The following LAMA2 variants were observed in gnomAD, a reference collection of about 807,000 sequenced individuals.
LAMA2 encodes laminin subunit alpha 2.
LAMA2 carries 269 observed loss-of-function variants against 364.8 expected under a neutral mutation model. That is an observed-to-expected ratio of 0.74 (90% CI 0.67 to 0.82). LAMA2 has a LOEUF of 0.82. Among genes scored for constraint, LAMA2 ranks in the 40% least tolerant of loss-of-function variants. The probability of loss-of-function intolerance (pLI) is 0.00; values close to 1 mark genes in which losing one functional copy is unlikely to be tolerated. For missense variants in LAMA2, 3,807 were observed against 3,873.2 expected, an observed-to-expected ratio of 0.98 and a Z score of 0.45; for synonymous variants, 1,379 against 1,370.6, an observed-to-expected ratio of 1.01 and a Z score of -0.14.
intron 56 of LAMA2, among the ~76,000 whole-genome samples, chr6:129,491,682 T>C (rs1355176505): frequency 6.6e-6 from 1 of 152,194 alleles, no homozygotes; most frequent in Non-Finnish European, 1.5e-5. Flanking sequence ...CAGTGCGCCA[T>C]GACCTGGTTT....
intron 3 of LAMA2, among the ~76,000 whole-genome samples, chr6:129,064,758 T>C (rs1789180135): frequency 6.6e-6 from 1 of 151,944 alleles, no homozygotes; most frequent in Non-Finnish European, 1.5e-5. Flanking sequence ...AGTAAGGAGA[T>C]TGAATCAGGA....
intron 1 of LAMA2, among the ~76,000 whole-genome samples, chr6:129,045,088 CT>C (rs776247550): frequency 2.0e-5 from 3 of 152,180 alleles, no homozygotes; most frequent in Non-Finnish European, 1.5e-5. Context: ...AATTGGAGAC[CT>C]TTGCTGACCA....
At chr6:129,099,313 C>T (rs1048499534) in intron 4 of LAMA2, among the ~76,000 whole-genome samples, 2 of 151,708 alleles carry the variant, frequency 1.3e-5, no homozygotes, top group Non-Finnish European at 2.9e-5. Flanking sequence ...ACACTAAGTA[C>T]TCTGTGCTAT....
intron 1 of LAMA2, among the ~76,000 whole-genome samples, chr6:128,924,762 C>T (rs1179293441): frequency 2.0e-5 from 3 of 152,146 alleles, no homozygotes; most frequent in African/African-American, 7.2e-5. Context: ...CACTGTAGGC[C>T]AACCACCCCT....
chr6:129,103,135 G>A (rs1009870410), intron 4 of LAMA2, among the ~76,000 whole-genome samples: 2 of 152,208 alleles, frequency 1.3e-5, no homozygotes, highest in Non-Finnish European at 2.9e-5. Flanking sequence ...TGTCCTTGAT[G>A]TTGAGAAGGT....
chr6:128,991,105 AG>A (rs777651806), intron 1 of LAMA2, among the ~76,000 whole-genome samples: 1 of 152,156 alleles, frequency 6.6e-6, no homozygotes, highest in East Asian at 1.9e-4. Context: ...CTTGGAATTT[AG>A]GGTATTGCAC....
chr6:129,446,203 A>T (rs545783414), intron 45 of LAMA2, among the ~76,000 whole-genome samples: 2 of 152,112 alleles, frequency 1.3e-5, no homozygotes, highest in South Asian at 4.2e-4. Flanking sequence ...TAATGGGGTT[A>T]TGGCAGGAAT....
At chr6:129,161,966 A>C (rs1363045286) in intron 8 of LAMA2, among the ~76,000 whole-genome samples, 1 of 152,172 alleles carries the variant, frequency 6.6e-6, no homozygotes. Context: ...GAACATAGGC[A>C]TGCATGTGGC....
At chr6:129,319,153 T>C (rs1372333826) in intron 27 of LAMA2, among the ~76,000 whole-genome samples, 4 of 152,182 alleles carry the variant, frequency 2.6e-5, no homozygotes, top group Non-Finnish European at 5.9e-5. Flanking sequence ...TATTAGATTA[T>C]GCGTGATCAT....
At chr6:129,034,968 A>G (rs921581622) in intron 1 of LAMA2, among the ~76,000 whole-genome samples, 1 of 152,184 alleles carries the variant, frequency 6.6e-6, no homozygotes, top group Admixed American at 6.5e-5. Context: ...TCTTTTTGAT[A>G]TAGTTAGTTC....
intron 16 of LAMA2, among the ~76,000 whole-genome samples, chr6:129,270,089 A>G (rs1241749399): frequency 1.3e-5 from 2 of 152,092 alleles, no homozygotes; most frequent in Non-Finnish European, 2.9e-5. Context: ...GCATTGTCCA[A>G]ACCATCAGAG....
At chr6:129,339,939 G>A (rs1173078213) in intron 29 of LAMA2, among the ~76,000 whole-genome samples, 1 of 151,464 alleles carries the variant, frequency 6.6e-6, no homozygotes, top group African/African-American at 2.4e-5. Flanking sequence ...GGAGGCAGAG[G>A]TTGCAGTGAG....
chr6:129,069,209 T>C (rs1213948879), intron 3 of LAMA2, among the ~76,000 whole-genome samples: 1 of 151,988 alleles, frequency 6.6e-6, no homozygotes, highest in Non-Finnish European at 1.5e-5. Context: ...TTATGGAAAG[T>C]CTGAACAAGA....
chr6:129,294,469 T>A (rs1476761743), intron 20 of LAMA2, among the ~76,000 whole-genome samples: 1 of 152,128 alleles, frequency 6.6e-6, no homozygotes, highest in Non-Finnish European at 1.5e-5. Context: ...ATTTACCCAC[T>A]GGAACCTCAC....
At chr6:129,110,541 AC>A (rs1776095729) in intron 4 of LAMA2, among the ~76,000 whole-genome samples, 1 of 152,126 alleles carries the variant, frequency 6.6e-6, no homozygotes, top group Admixed American at 6.6e-5. Flanking sequence ...ATTGGCAATA[AC>A]TATTTGTCTA....
At chr6:129,056,807 T>C (rs1372188533) in intron 2 of LAMA2, among the ~76,000 whole-genome samples, 1 of 152,142 alleles carries the variant, frequency 6.6e-6, no homozygotes, top group Non-Finnish European at 1.5e-5. Context: ...CTTGGCTCAC[T>C]GCAACCTCTA....
chr6:128,915,444 T>C (rs1246514715), intron 1 of LAMA2, among the ~76,000 whole-genome samples: 1 of 152,160 alleles, frequency 6.6e-6, no homozygotes, highest in East Asian at 1.9e-4. Flanking sequence ...CTTAGTATTT[T>C]GTGGAACAGC....
At chr6:129,249,377 GC>G (rs1207380773) in intron 12 of LAMA2, among the ~76,000 whole-genome samples, 1 of 152,100 alleles carries the variant, frequency 6.6e-6, no homozygotes, top group Admixed American at 6.6e-5. Context: ...AAATGATCTT[GC>G]TTTCCTATTT....
At chr6:129,045,592 G>A (rs1787428181) in intron 1 of LAMA2, among the ~76,000 whole-genome samples, 1 of 152,186 alleles carries the variant, frequency 6.6e-6, no homozygotes, top group African/African-American at 2.4e-5. Flanking sequence ...TAAATAATAT[G>A]AAGAATATAG....
Sources: allele counts gnomAD v4.1 joint callset (sites outside exome capture counted in the v4.1 genomes callset), GRCh38; gene constraint gnomAD v4.1.1; transcripts MANE v1.5; gene names NCBI Gene and HGNC (gene_info 2026-07-23, HGNC 2026-07-21).